The following PDE3B variants were observed in gnomAD, a reference collection of about 807,000 sequenced individuals.
PDE3B encodes the protein cGMP-inhibited 3',5'-cyclic phosphodiesterase 3B.
In PDE3B, 66 loss-of-function variants were observed where a neutral mutation model predicts 116.8. The ratio of observed to expected loss-of-function variants is 0.56; its 90% CI spans 0.46 to 0.69. The LOEUF (loss-of-function observed/expected upper bound fraction) is 0.69. Ranked by LOEUF, PDE3B falls within the 30% of genes least tolerant of loss-of-function variation. The pLI, the probability that PDE3B is intolerant of heterozygous loss-of-function variation, is 0.00. For synonymous variants in PDE3B, 595 were observed against 533.6 expected (o/e 1.12, Z -1.59); for missense variants, 1,384 against 1,368.1 (o/e 1.01, Z -0.18).
chr11:14,887,614 A>G, the PDE3B span: 5 of 985,246 alleles, frequency 5.1e-6, no homozygotes, highest in South Asian at 2.3e-4. Flanking sequence ...AGGAATACAC[A>G]AAACATTTTC....
At chr11:14,809,558 G>A (rs927496910) in intron 5 of PDE3B, among the ~76,000 whole-genome samples, 1 of 152,192 alleles carries the variant, frequency 6.6e-6, no homozygotes, top group African/African-American at 2.4e-5. Context: ...TATATTAGTG[G>A]TTGCTATGGT....
intron 2 of PDE3B, among the ~76,000 whole-genome samples, chr11:14,781,381 C>T (rs1260245743): frequency 6.6e-6 from 1 of 152,160 alleles, no homozygotes; most frequent in Non-Finnish European, 1.5e-5. Context: ...AGACCAGTAT[C>T]CCTGATGAAC....
the PDE3B span, among the ~76,000 whole-genome samples, chr11:14,883,131 G>A: frequency 6.6e-6 from 1 of 152,114 alleles, no homozygotes; most frequent in African/African-American, 2.4e-5. Flanking sequence ...TAGATTCAAT[G>A]CCATCCCCAT....
At chr11:14,880,557 C>G in the PDE3B span, 2 of 1,613,422 alleles carry the variant, frequency 1.2e-6, no homozygotes, top group Non-Finnish European at 1.7e-6. Flanking sequence ...CAAAAATGAT[C>G]AGATTGGTTA....
At chr11:14,807,206 T>G (rs1188452861) in intron 5 of PDE3B, among the ~76,000 whole-genome samples, 2 of 152,186 alleles carry the variant, frequency 1.3e-5, no homozygotes, top group African/African-American at 2.4e-5. Context: ...TGTATACCTA[T>G]GTAGCAAACC....
intron 1 of PDE3B, among the ~76,000 whole-genome samples, chr11:14,648,834 C>G (rs1590028481): frequency 6.7e-6 from 1 of 150,334 alleles, no homozygotes; most frequent in African/African-American, 2.4e-5. Flanking sequence ...TTGAGGGCTG[C>G]TTCTTGTTAT....
At chr11:14,845,923 TTATCC>T (rs1490569585) in intron 12 of PDE3B, among the ~76,000 whole-genome samples, 5 of 152,118 alleles carry the variant, frequency 3.3e-5, no homozygotes, top group Admixed American at 3.3e-4. Flanking sequence ...CTGTAGGATA[TTATCC>T]AGGAGAACTT....
chr11:14,726,353 A>G (rs1178974439), intron 1 of PDE3B, among the ~76,000 whole-genome samples: 1 of 152,132 alleles, frequency 6.6e-6, no homozygotes, highest in Non-Finnish European at 1.5e-5. Flanking sequence ...CTGCATCCCA[A>G]CAGCCAAGAA....
the PDE3B span, chr11:14,891,612 C>G: frequency 3.0e-5 from 32 of 1,068,064 alleles, no homozygotes; most frequent in South Asian, 7.0e-4. Flanking sequence ...GAGGCCGACT[C>G]GCAAGACGCC....
At position 14,871,270 on chromosome 11, in the gene PDE3B, A is replaced by T. The variant is rs1848136360; in HGVS notation, c.*1610A>T. On this transcript the variant is annotated 3_prime_UTR_variant, in exon 16 of 16. Coordinates refer to ENST00000282096, the MANE Select transcript of PDE3B (RefSeq NM_000922.4). ...CTTTATTTATTAGACGTGTTGAGTG[A>T]GTGCTGAGTTCCTTGCTGCCACTTT... 6.6e-6 allele frequency: 1 copy of T among 152,160 alleles called. No homozygotes were observed. The highest frequency in any genetic ancestry group is 2.4e-5 in the African/African-American group (1 of 41,450). 9.4% of individuals were successfully genotyped at this position (152,160 alleles called of 1,614,324 possible). A position where few individuals can be genotyped will look rare whatever the true frequency, so the allele number is the denominator to read the frequency against.
At chr11:14,691,667 T>C (rs1031513167) in intron 1 of PDE3B, among the ~76,000 whole-genome samples, 24 of 152,136 alleles carry the variant, frequency 1.6e-4, no homozygotes, top group African/African-American at 5.8e-4. Flanking sequence ...TCTGCCTTCA[T>C]GGAATTTACA....
At chr11:14,659,189 T>A (rs1165883151) in intron 1 of PDE3B, among the ~76,000 whole-genome samples, 2 of 152,188 alleles carry the variant, frequency 1.3e-5, no homozygotes, top group African/African-American at 2.4e-5. Flanking sequence ...GGACATTGTG[T>A]GCAGGAGTTG....
intron 1 of PDE3B, among the ~76,000 whole-genome samples, chr11:14,705,899 C>T (rs1855518188): frequency 6.6e-6 from 1 of 151,720 alleles, no homozygotes; most frequent in Admixed American, 6.6e-5. Context: ...TCTTTCGGTA[C>T]TTATATAGAA....
chr11:14,837,056 C>T (rs538322994), intron 11 of PDE3B, among the ~76,000 whole-genome samples: 147 of 152,320 alleles, frequency 9.7e-4, no homozygotes, highest in African/African-American at 2.4e-3. Flanking sequence ...TCAGGCAATC[C>T]GCCCACCTCA....
intron 1 of PDE3B, among the ~76,000 whole-genome samples, chr11:14,647,107 A>G (rs761534498): frequency 9.2e-5 from 14 of 151,922 alleles, no homozygotes; most frequent in Admixed American, 2.0e-4. Flanking sequence ...TTTTGTTTGC[A>G]TGTATATTAT....
At chr11:14,789,055 T>C in intron 3 of PDE3B, 51 bp from the exon 4 acceptor site, 2 of 1,330,198 alleles carry the variant, frequency 1.5e-6, no homozygotes, top group Non-Finnish European at 2.1e-6. Context: ...ATATTACATA[T>C]ATAGCATATT....
chr11:14,673,574 A>G (rs1045331952), intron 1 of PDE3B: 2 of 544,514 alleles, frequency 3.7e-6, no homozygotes, highest in African/African-American at 3.8e-5. Context: ...AGTGAGTGAG[A>G]GCGCCTCTCA....
intron 1 of PDE3B, among the ~76,000 whole-genome samples, chr11:14,715,613 A>C (rs1479956457): frequency 1.3e-5 from 2 of 152,202 alleles, no homozygotes; most frequent in Non-Finnish European, 2.9e-5. Flanking sequence ...TTGATTTTGT[A>C]TCCTGAGACT....
At chr11:14,776,477 C>T (rs1857789094) in intron 2 of PDE3B, 1 of 152,298 alleles carries the variant, frequency 6.6e-6, no homozygotes, top group African/African-American at 2.4e-5. Context: ...TTTCCCCCTA[C>T]TGTAAGGCAC....
Sources: gnomAD v4.1 joint callset for allele counts (sites outside exome capture counted in the v4.1 genomes callset) on GRCh38, gnomAD v4.1.1 for gene constraint, MANE v1.5 for transcripts, NCBI Gene and HGNC (gene_info 2026-07-23, HGNC 2026-07-21) for gene names.